The following ASPH variants were observed in gnomAD, a reference collection of about 807,000 sequenced individuals.
ASPH encodes aspartyl/asparaginyl beta-hydroxylase.
Under a neutral mutation model 118.4 loss-of-function variants are expected in ASPH, and 100 were observed. The observed-to-expected ratio is 0.84, with a 90% CI of 0.72 to 1.00. The LOEUF (loss-of-function observed/expected upper bound fraction) is 1.00, where lower values mean the gene tolerates loss of function less well. ASPH is among the 50% of genes least tolerant of loss of function. The pLI, the probability that ASPH is intolerant of heterozygous loss-of-function variation, is 0.00. For synonymous variants in ASPH, 315 were observed against 325.6 expected, an observed-to-expected ratio of 0.97 and a Z score of 0.35; for missense variants, 920 against 919.5, an observed-to-expected ratio of 1.00 and a Z score of -0.01.
intron 3 of ASPH, chr8:61,664,720 C>T: frequency 3.0e-6 from 3 of 985,806 alleles, no homozygotes; most frequent in Non-Finnish European, 3.6e-6. Flanking sequence ...AGGAACGGCC[C>T]CCTGAAAGGC....
intron 14 of ASPH, among the ~76,000 whole-genome samples, chr8:61,617,998 T>C (rs1009510521): frequency 3.3e-5 from 5 of 150,854 alleles, no homozygotes; most frequent in Admixed American, 3.3e-4. Flanking sequence ...GGAGTGAGAC[T>C]TGGGGATATG....
At chr8:61,601,839 T>C (rs1844084942) in intron 14 of ASPH, among the ~76,000 whole-genome samples, 1 of 151,340 alleles carries the variant, frequency 6.6e-6, no homozygotes, top group African/African-American at 2.5e-5. Flanking sequence ...CAATAAATAT[T>C]ATAAACAATG....
Position 61,502,101 on chromosome 8 carries a change from A to G in ASPH, c.*1258T>C, listed in dbSNP as rs540047416. Reference sequence around the variant, plus strand: ...TGACTTGATCATCTTTGGAATGAGTAGGCAAGACGATTTTTACCTATTATT... The same window carrying G: ...TGACTTGATCATCTTTGGAATGAGTGGGCAAGACGATTTTTACCTATTATT... On this transcript the variant is annotated 3_prime_UTR_variant, in exon 25 of 25. Transcript: ENST00000379454. 1 of 152,334 alleles carries G rather than the reference A, an allele frequency of 6.6e-6. No homozygotes were observed. The highest frequency in any genetic ancestry group is 1.9e-4 in the East Asian group (1 of 5,192). 9.4% of individuals were successfully genotyped at this position (152,334 alleles called of 1,614,324 possible).
intron 15 of ASPH, chr8:61,578,930 C>T (rs1836369594): frequency 6.2e-7 from 1 of 1,611,372 alleles, no homozygotes; most frequent in South Asian, 1.1e-5. Context: ...AGCTGCAGTC[C>T]CAGATCTCGG....
chr8:61,663,133 G>A, intron 3 of ASPH: 1 of 985,370 alleles, frequency 1.0e-6, no homozygotes, highest in Non-Finnish European at 1.2e-6. Context: ...GATATGGTTT[G>A]AGAATCGTGT....
At chr8:61,707,835 C>T (rs1034235900) in intron 1 of ASPH, among the ~76,000 whole-genome samples, 1 of 152,040 alleles carries the variant, frequency 6.6e-6, no homozygotes, top group Non-Finnish European at 1.5e-5. Flanking sequence ...ACTTTTAATA[C>T]GTGCTATACA....
At chr8:61,653,951 AAT>A (rs1336322203) in intron 3 of ASPH, among the ~76,000 whole-genome samples, 12 of 152,204 alleles carry the variant, frequency 7.9e-5, no homozygotes, top group Non-Finnish European at 8.8e-5. Flanking sequence ...CCAAAAGTTC[AAT>A]ATGAGTTCAA....
At chr8:61,530,451 C>T (rs941459723) in intron 21 of ASPH, among the ~76,000 whole-genome samples, 1 of 152,170 alleles carries the variant, frequency 6.6e-6, no homozygotes, top group Admixed American at 6.5e-5. Flanking sequence ...CAGTTCTGAC[C>T]TCATGAATCC....
At chr8:61,547,433 G>T (rs1824320404) in intron 21 of ASPH, among the ~76,000 whole-genome samples, 1 of 152,154 alleles carries the variant, frequency 6.6e-6, no homozygotes, top group Non-Finnish European at 1.5e-5. Context: ...TAGGGGCTCT[G>T]CAAGATCAAA....
At chr8:61,635,301 A>ACT (rs1857242490) in intron 12 of ASPH, among the ~76,000 whole-genome samples, 1 of 152,098 alleles carries the variant, frequency 6.6e-6, no homozygotes, top group South Asian at 2.1e-4. Context: ...TTAGATTCTT[A>ACT]GAGCTCAGTC....
intron 1 of ASPH, chr8:61,689,946 A>G (rs940678709): frequency 3.2e-6 from 3 of 931,920 alleles, no homozygotes; most frequent in Non-Finnish European, 4.1e-6. Flanking sequence ...ACAACACCAC[A>G]GCCTTTCTCC....
intron 15 of ASPH, chr8:61,578,319 A>G: frequency 6.2e-7 from 1 of 1,602,952 alleles, no homozygotes; most frequent in South Asian, 1.1e-5. Flanking sequence ...TGCCCACATC[A>G]GCTCCTCGAG....
chr8:61,522,923 CA>C (rs1178448697), intron 22 of ASPH, among the ~76,000 whole-genome samples: 4 of 152,184 alleles, frequency 2.6e-5, no homozygotes, highest in Non-Finnish European at 4.4e-5. Flanking sequence ...GCCCTATCAC[CA>C]AATACAGTCA....
chr8:61,709,136 A>C (rs1179285163), intron 1 of ASPH, among the ~76,000 whole-genome samples: 2 of 152,198 alleles, frequency 1.3e-5, no homozygotes, highest in Non-Finnish European at 2.9e-5. Flanking sequence ...ATAGGAACTG[A>C]ATTACATTCA....
At chr8:61,652,362 A>G (rs1588688640) in intron 4 of ASPH, among the ~76,000 whole-genome samples, 1 of 152,136 alleles carries the variant, frequency 6.6e-6, no homozygotes, top group Non-Finnish European at 1.5e-5. Flanking sequence ...AGAATATAAT[A>G]CCTCCACAAC....
At chr8:61,546,205 G>A (rs1823802383) in intron 21 of ASPH, among the ~76,000 whole-genome samples, 1 of 152,206 alleles carries the variant, frequency 6.6e-6, no homozygotes, top group Admixed American at 6.5e-5. Context: ...AGGAAGTGCA[G>A]AGCCAAGAAC....
intron 3 of ASPH, among the ~76,000 whole-genome samples, chr8:61,677,593 A>AT (rs1826010376): frequency 6.6e-6 from 1 of 152,194 alleles, no homozygotes; most frequent in Non-Finnish European, 1.5e-5. Context: ...ATATTATGTC[A>AT]TTGTTCATGT....
chr8:61,505,949 G>T (rs529960831), intron 24 of ASPH, among the ~76,000 whole-genome samples: 2 of 152,226 alleles, frequency 1.3e-5, no homozygotes, highest in South Asian at 4.1e-4. Flanking sequence ...AATGTCAGTG[G>T]GTACCACAAA....
At chr8:61,551,931 CA>C (rs1199566883) in intron 20 of ASPH, among the ~76,000 whole-genome samples, 1 of 152,162 alleles carries the variant, frequency 6.6e-6, no homozygotes, top group Non-Finnish European at 1.5e-5. Flanking sequence ...GGGAAAGGTA[CA>C]GATAAATAGA....
Sources: gnomAD v4.1 joint callset for allele counts (sites outside exome capture counted in the v4.1 genomes callset) on GRCh38, gnomAD v4.1.1 for gene constraint, MANE v1.5 for transcripts, NCBI Gene and HGNC (gene_info 2026-07-23, HGNC 2026-07-21) for gene names.